Variants in KCTD18 observed in about 807,000 individuals in gnomAD.
KCTD18 encodes BTB/POZ domain-containing protein KCTD18.
A neutral mutation model predicts 30.4 loss-of-function variants in KCTD18; 22 were observed. The observed-to-expected ratio is 0.72, with a 90% CI of 0.52 to 1.03. The LOEUF (loss-of-function observed/expected upper bound fraction) is 1.03, where lower values mean the gene tolerates loss of function less well. Among genes scored for constraint, KCTD18 ranks in the 50% least tolerant of loss-of-function variants. The probability of loss-of-function intolerance (pLI) is 0.00; values close to 1 mark genes in which losing one functional copy is unlikely to be tolerated. For missense variants in KCTD18, 529 were observed against 547.6 expected (o/e 0.97, Z 0.34); for synonymous variants, 186 against 209.0 (o/e 0.89, Z 0.95).
intron 6 of KCTD18, among the ~76,000 whole-genome samples, chr2:200,491,916 A>G (rs925471992): frequency 8.5e-5 from 13 of 152,224 alleles, no homozygotes; most frequent in Non-Finnish European, 1.8e-4. Flanking sequence ...ATCTGTAGCA[A>G]AGAGTGCAAA....
intron 3 of KCTD18, among the ~76,000 whole-genome samples, chr2:200,502,148 T>G (rs1169098620): frequency 8.4e-5 from 12 of 143,584 alleles, no homozygotes; most frequent in Middle Eastern, 6.9e-3. Flanking sequence ...GGGGTGGGGG[T>G]AGGGGGGAGG....
intron 4 of KCTD18, 131 bp from the exon 5 acceptor site, chr2:200,497,978 T>C: frequency 3.0e-6 from 2 of 659,442 alleles, no homozygotes; most frequent in South Asian, 3.6e-5. Flanking sequence ...GAGTAGTTGT[T>C]CTGTGATCCT....
In KCTD18 at chr2:200,507,066, C is replaced by T; in HGVS notation, c.-50G>A. The stretch of plus-strand genomic sequence containing the variant: ...TGCCGCCCAACACTTTCAGAAACTT[C>T]AAAACAATGATGTCTTGGTCTCCCT... On this transcript the variant is annotated 5_prime_UTR_variant, in exon 2 of 7. It removes the in-frame stop codon of an upstream open reading frame in the 5' UTR. Transcript: ENST00000359878. 6.7e-7 allele frequency: 1 copy of T among 1,498,734 alleles called. No individual in the cohort carries two copies. 92.8% of individuals were successfully genotyped at this position (1,498,734 alleles called of 1,614,324 possible). A position where few individuals can be genotyped will look rare whatever the true frequency, so the allele number is the denominator to read the frequency against.
chr2:200,500,163 T>C (rs970604898), intron 3 of KCTD18, among the ~76,000 whole-genome samples: 33 of 151,272 alleles, frequency 2.2e-4, no homozygotes, highest in Non-Finnish European at 4.4e-4. Context: ...GACAAACCCA[T>C]AGCCAATATC....
intron 2 of KCTD18, 81 bp from the exon 3 acceptor site, chr2:200,505,040 A>G: frequency 2.0e-6 from 2 of 1,004,198 alleles, no homozygotes; most frequent in Non-Finnish European, 3.0e-6. Flanking sequence ...AGGTCTGAGG[A>G]CCTCTACAAT....
intron 5 of KCTD18, chr2:200,496,435 G>C (rs2087999467): frequency 6.6e-6 from 1 of 152,474 alleles, no homozygotes; most frequent in African/African-American, 2.4e-5. Context: ...CAAAGTTGAG[G>C]AAAGGAAGAA....
At chr2:200,493,629 G>A (rs1331432257) in intron 5 of KCTD18, among the ~76,000 whole-genome samples, 4 of 152,186 alleles carry the variant, frequency 2.6e-5, no homozygotes, top group African/African-American at 7.2e-5. Context: ...CCTTGGGAAA[G>A]TTACTTTTCT....
Position 200,490,206 on chromosome 2 carries a change from G to T in KCTD18, c.1175C>A (p.Pro392His). 1 of 1,614,084 alleles carries T rather than the reference G, an allele frequency of 6.2e-7. No homozygotes were observed. Among genetic ancestry groups the T allele is most frequent in the Non-Finnish European group, 8.5e-7 (1 of 1,179,904 alleles). The change falls in exon 7 of 7, where the codon CCC (proline) becomes CAC (histidine). Residue 392 changes from proline (P) to histidine (H), a missense_variant. Coordinates refer to ENST00000359878, the MANE Select transcript of KCTD18 (RefSeq NM_152387.4). ...TPLCATAPCL[P>H]SPTATRQANS... ...GGCCTGCCTCGTGGCCGTGGGGGAG[G>T]GCAGGCAAGGCGCGGTGGCGCACAG...
intron 6 of KCTD18, among the ~76,000 whole-genome samples, chr2:200,491,178 G>A (rs899502601): frequency 1.3e-5 from 2 of 152,144 alleles, no homozygotes; most frequent in East Asian, 3.8e-4. Context: ...CCATGGTAAT[G>A]AGTGAGTTCT....
At chr2:200,493,900 A>T (rs1224612172) in intron 5 of KCTD18, among the ~76,000 whole-genome samples, 28 of 152,166 alleles carry the variant, frequency 1.8e-4, no homozygotes, top group Non-Finnish European at 2.9e-5. Flanking sequence ...AACTTTGTGA[A>T]CTACTCTGAA....
At chr2:200,499,975 T>C (rs1345688504) in intron 3 of KCTD18, among the ~76,000 whole-genome samples, 1 of 152,044 alleles carries the variant, frequency 6.6e-6, no homozygotes, top group Non-Finnish European at 1.5e-5. Context: ...GCTGGTTCAA[T>C]ATATGCAAAT....
chr2:200,493,317 G>T, intron 5 of KCTD18, 43 bp from the exon 6 acceptor site: 1 of 1,112,144 alleles, frequency 9.0e-7, no homozygotes, highest in Non-Finnish European at 1.4e-6. Context: ...ACCATCCACT[G>T]CAAAATGCTG....
At chr2:200,494,288 T>C (rs946453681) in intron 5 of KCTD18, among the ~76,000 whole-genome samples, 1 of 152,210 alleles carries the variant, frequency 6.6e-6, no homozygotes, top group African/African-American at 2.4e-5. Flanking sequence ...GAGGTAATGA[T>C]TGCACAACAT....
At chr2:200,507,460 G>C (rs544783584) in intron 1 of KCTD18, among the ~76,000 whole-genome samples, 1 of 152,276 alleles carries the variant, frequency 6.6e-6, no homozygotes, top group East Asian at 1.9e-4. Flanking sequence ...GAGATCAGTG[G>C]ACAGCATGGA....
chr2:200,506,940 C>T lies in KCTD18; in HGVS notation c.77G>A (p.Arg26Gln). The T allele has an allele frequency of 7.4e-6, 12 of 1,613,924 alleles. No homozygotes were observed. The highest frequency in any genetic ancestry group is 1.0e-5 in the Non-Finnish European group (12 of 1,179,870). Residue 26 changes from arginine (R) to glutamine (Q), a missense_variant, in exon 2 of 7, where the codon CGG becomes CAG. Arg to Gln is a conservative substitution (Grantham distance 43). Coordinates refer to ENST00000359878, the MANE Select transcript of KCTD18 (RefSeq NM_152387.4). ...CTTGAAGCGGCACAAGGACTCCCGC[C>T]GGGCTGTGTAAATACAGCCACCCAC... ...LNVGGCIYTA[R>Q]RESLCRFKDS...
rs1286606109 is a variant in KCTD18, at chr2:200,489,974, AG to A, written c.*125del. 4.9e-5 allele frequency: 49 copies of A among 1,006,592 alleles called. No individual in the cohort carries two copies. In the African/African-American group the frequency reaches 6.3e-4, roughly 13 times the overall value. 62.4% of individuals were successfully genotyped at this position (1,006,592 alleles called of 1,614,324 possible). On this transcript the variant is annotated 3_prime_UTR_variant, in exon 7 of 7. Coordinates refer to ENST00000359878, the MANE Select transcript of KCTD18 (RefSeq NM_152387.4). Reference sequence around the variant, plus strand: ...CTCCATTCCTAGCTCACACAATTCCAGGAACAGAATCCTCAACATAAACCTA... The same window carrying A: ...CTCCATTCCTAGCTCACACAATTCCAGAACAGAATCCTCAACATAAACCTA...
Position 200,499,027 on chromosome 2 carries a change from C to A in KCTD18, c.430G>T (p.Val144Phe), listed in dbSNP as rs561260111. The change falls in exon 4 of 7, where the codon GTT (valine) becomes TTT (phenylalanine). Residue 144 changes from valine (V) to phenylalanine (F), a missense_variant. Coordinates refer to ENST00000359878, the MANE Select transcript of KCTD18 (RefSeq NM_152387.4). The stretch of plus-strand genomic sequence containing the variant: ...CCAGATGTGTTAAGATAGTGGAGAA[C>A]CCAAACTGTTGGTTTATTGCAGACT... ...GLVCNKPTVW[V>F]LHYLNTSGAS... 6.2e-7 allele frequency: 1 copy of A among 1,614,036 alleles called. No individual in the cohort carries two copies. The highest frequency in any genetic ancestry group is 1.7e-5 in the Admixed American group (1 of 59,998).
In KCTD18 at chr2:200,490,578, T is replaced by C. The variant is rs2087900125; in HGVS notation, c.803A>G (p.Asn268Ser). The C allele has an allele frequency of 6.3e-7, 1 of 1,596,676 alleles. No individual in the cohort carries two copies. ...AACTGGCTTAGGACCAGTCTTATAG[T>C]TCACACTTTCGTCCGCTTCATTGAA... ...ITFNEADESV[N>S]YKTGPKPVRF... is the part of the protein sequence containing the mutation. Residue 268 changes from asparagine to serine, a missense_variant, in exon 7 of 7, where the codon AAC (asparagine) becomes AGC (serine). Asn to Ser is a conservative substitution (Grantham distance 46). Coordinates refer to ENST00000359878, the MANE Select transcript of KCTD18 (RefSeq NM_152387.4).
chr2:200,490,276 T>G lies in KCTD18; in HGVS notation c.1105A>C (p.Lys369Gln), dbSNP rs1225614167. 6 of 1,614,130 alleles carry G rather than the reference T, an allele frequency of 3.7e-6. No homozygotes were observed. Among genetic ancestry groups the G allele is most frequent in the Admixed American group, 3.3e-5 (2 of 60,014 alleles). Reference sequence around the variant, plus strand: ...ATCACCCGCTGGGGTGTAGGCTTCTTGTCGGAGAGTAGCACCTTAGCTGGA... The same window carrying G: ...ATCACCCGCTGGGGTGTAGGCTTCTGGTCGGAGAGTAGCACCTTAGCTGGA... ...LPPAKVLLSD[K>Q]KPTPQRVIKL... The change falls in exon 7 of 7, where the codon AAG becomes CAG. Residue 369 changes from lysine to glutamine, a missense_variant. By Grantham distance (53) the Lys-to-Gln change is moderately conservative. Coordinates refer to ENST00000359878, the MANE Select transcript of KCTD18 (RefSeq NM_152387.4).
Sources: gnomAD v4.1 joint callset for allele counts (sites outside exome capture counted in the v4.1 genomes callset) on GRCh38, gnomAD v4.1.1 for gene constraint, MANE v1.5 for transcripts, NCBI Gene and HGNC (gene_info 2026-07-23, HGNC 2026-07-21) for gene names.